PLD2: variants seen among roughly 807,000 people sequenced by gnomAD.
PLD2 encodes the protein choline phosphatase 2.
PLD2 carries 101 observed loss-of-function variants against 119.8 expected under a neutral mutation model. That is an observed-to-expected ratio of 0.84 (90% CI 0.72 to 0.99). The LOEUF (loss-of-function observed/expected upper bound fraction) is 0.99, where lower values mean the gene tolerates loss of function less well. Among genes scored for constraint, PLD2 ranks in the 50% least tolerant of loss-of-function variants. The probability of loss-of-function intolerance (pLI) is 0.00; values close to 1 mark genes in which losing one functional copy is unlikely to be tolerated. For missense variants in PLD2, 1,164 were observed against 1,226.8 expected (o/e 0.95, Z 0.76); for synonymous variants, 494 against 482.8 (o/e 1.02, Z -0.30).
In PLD2 at chr17:4,807,796, C is replaced by A. The variant is rs762231339; in HGVS notation, c.24C>A (p.Leu8=). 10 of 1,610,258 alleles carry A rather than the reference C, an allele frequency of 6.2e-6. No homozygotes were observed. The highest frequency in any genetic ancestry group is 8.5e-6 in the Non-Finnish European group (10 of 1,178,686). The change falls in exon 2 of 25, where the codon CTC becomes CTA. Residue 8 remains leucine, a synonymous_variant. Transcript: ENST00000263088. The surrounding 1 kb of genome is among the most constrained non-coding windows in gnomAD (Gnocchi z 5.4). ...GGATGACGGCGACCCCTGAGAGCCT[C>A]TTCCCCACTGGGGACGAACTGGACT... MTATPES[L]FPTGDELDSS... is the part of the protein sequence containing the mutation.
rs771783389 is a variant in PLD2, at chr17:4,809,385, T to C, written c.555+22T>C. The C allele has an allele frequency of 2.5e-6, 4 of 1,613,818 alleles. No individual in the cohort carries two copies. The South Asian group carries it at 4.4e-5, about 18-fold the overall frequency. ...CATGGTAAGGTCCAGGGGCCGATTT[T>C]AGATGTGGAGCAGGATTATCAGACC... On this transcript the variant is annotated intron_variant, in intron 6 of 24. Transcript: ENST00000263088.
At chr17:4,811,074 ACTT>A (rs1431317094) in intron 10 of PLD2, 123 bp downstream of exon 10, 2 of 902,028 alleles carry the variant, frequency 2.2e-6, no homozygotes, top group South Asian at 1.7e-5. Flanking sequence ...CCGCCCCGTG[ACTT>A]CTTTAATCTT....
At position 4,807,991 on chromosome 17, in the gene PLD2, G is replaced by C; in HGVS notation, c.117G>C (p.Arg39=). Residue 39 remains arginine, a synonymous_variant, in exon 3 of 25, where the codon CGG becomes CGC. Transcript: ENST00000263088. The surrounding 1 kb of genome is among the most constrained non-coding windows in gnomAD (Gnocchi z 5.4). ...TLKEGEDPAD[R]MHPFLAIYEL... is the part of the protein sequence containing the mutation. ...GACTTTCTTTCCTCCCAGCCGACCGGATGCACCCGTTTCTGGCCATCTATG... is the reference window on the plus strand; with the variant it reads ...GACTTTCTTTCCTCCCAGCCGACCGCATGCACCCGTTTCTGGCCATCTATG... 6.2e-7 allele frequency: 1 copy of C among 1,608,646 alleles called. No individual in the cohort carries two copies. Among genetic ancestry groups the C allele is most frequent in the Non-Finnish European group, 8.5e-7 (1 of 1,175,526 alleles).
rs755547771 is a variant in PLD2 at position 4,808,239 on chromosome 17, G to A, written c.241-35G>A. The A allele has an allele frequency of 6.2e-6, 10 of 1,610,210 alleles. No individual in the cohort carries two copies. Among genetic ancestry groups the A allele is most frequent in the Admixed American group, 1.7e-5 (1 of 59,842 alleles). On this transcript the variant is annotated intron_variant, in intron 3 of 24. Transcript: ENST00000263088. This position sits in a 1 kb window ranked among gnomAD's most constrained non-coding sequence, Gnocchi z 4.1. ...CCAGAGTGGGGAGGCGGGGACCCAC[G>A]CAGGGGACATCCATTCAGTTCCTCA...
intron 14 of PLD2, 131 bp downstream of exon 14, chr17:4,816,065 G>A (rs1597330417): frequency 1.4e-6 from 1 of 720,500 alleles, no homozygotes; most frequent in Non-Finnish European, 2.4e-6. Flanking sequence ...AGACTTTCTG[G>A]GACTCCAAGA....
In PLD2 at chr17:4,809,710, C is replaced by T. The variant is rs375978258; in HGVS notation, c.634C>T (p.Arg212Cys). ...RKGLEGMIRK[R>C]SGGHRVPGLT... is the part of the protein sequence containing the mutation. ...CCACAGGGAGGGGATGATCCGGAAG[C>T]GCTCAGGTGGCCACCGTGTTCCTGG... is the stretch of plus-strand genomic sequence containing the variant. The change falls in exon 8 of 25, where the codon CGC (arginine) becomes TGC (cysteine). Residue 212 changes from arginine (R) to cysteine (C), a missense_variant. Physicochemically the swap from Arg to Cys is radical, Grantham distance 180. Transcript: ENST00000263088. 28 of 1,614,050 alleles carry T rather than the reference C, an allele frequency of 1.7e-5. No individual in the cohort carries two copies. Among genetic ancestry groups the T allele is most frequent in the African/African-American group, 4.0e-5 (3 of 74,934 alleles).
At chr17:4,821,939 C>T (rs1449330140) in intron 24 of PLD2, 32 bp downstream of exon 24, 1 of 1,437,968 alleles carries the variant, frequency 7.0e-7, no homozygotes, top group African/African-American at 1.4e-5. Context: ...GGGAGAGTGG[C>T]CTGGGGAAAT....
At chr17:4,821,455 G>A (rs922730251) in intron 23 of PLD2, among the ~76,000 whole-genome samples, 14 of 151,802 alleles carry the variant, frequency 9.2e-5, no homozygotes, top group Admixed American at 3.3e-4. Context: ...GTTCAGTGGC[G>A]TTACCACGGC....
chr17:4,818,311 T>C lies in PLD2; in HGVS notation c.1935T>C (p.Ile645=). 2 of 1,613,890 alleles carry C rather than the reference T, an allele frequency of 1.2e-6. No individual in the cohort carries two copies. Among genetic ancestry groups the C allele is most frequent in the South Asian group, 2.2e-5 (2 of 91,060 alleles). Residue 645 remains isoleucine, a synonymous_variant, in exon 19 of 25, where the codon ATT becomes ATC. Coordinates refer to ENST00000263088, the MANE Select transcript of PLD2 (RefSeq NM_002663.5). ...TCTTGCCCCAGAATCAGTTCTTCATTAGCTGCTCAGATGGGCGGACGGTTC... is the reference window on the plus strand; with the variant it reads ...TCTTGCCCCAGAATCAGTTCTTCATCAGCTGCTCAGATGGGCGGACGGTTC... ...HFLYIENQFF[I]SCSDGRTVLN... is the part of the protein sequence containing the mutation.
At position 4,807,547 on chromosome 17, in the gene PLD2, G is replaced by C. The variant is rs899174441; in HGVS notation, c.-1-225G>C. The C allele has an allele frequency of 1.4e-5, 6 of 426,664 alleles. No homozygotes were observed. In the South Asian group the frequency reaches 2.2e-4, roughly 15 times the overall value. 26.4% of individuals were successfully genotyped at this position (426,664 alleles called of 1,614,324 possible). On this transcript the variant is annotated intron_variant, in intron 1 of 24. Transcript: ENST00000263088. The surrounding 1 kb of genome is among the most constrained non-coding windows in gnomAD (Gnocchi z 5.4). ...GGGCTCTGGTTACGGGACGGGGCGG[G>C]GGGCGGGGGGCGGGACTGGGATTGT...
intron 10 of PLD2, 91 bp from the exon 11 acceptor site, chr17:4,814,327 A>G: frequency 6.6e-7 from 1 of 1,524,114 alleles, no homozygotes; most frequent in African/African-American, 1.4e-5. Context: ...CCTTGCTGTC[A>G]CCTCTGACCC....
rs1200218164 is a variant in PLD2 at position 4,822,893 on chromosome 17, A to G, written c.*29A>G. The G allele has an allele frequency of 7.7e-7, 1 of 1,292,780 alleles. No individual in the cohort carries two copies. The highest frequency in any genetic ancestry group is 1.1e-6 in the Non-Finnish European group (1 of 898,296). The allele number at this position is 1,292,780 out of a possible 1,614,324, so 80.1% of individuals were successfully genotyped here. A position where few individuals can be genotyped will look rare whatever the true frequency, so the allele number is the denominator to read the frequency against. On this transcript the variant is annotated 3_prime_UTR_variant, in exon 25 of 25. Coordinates refer to ENST00000263088, the MANE Select transcript of PLD2 (RefSeq NM_002663.5). Reference sequence around the variant, plus strand: ...AGGCCCCCGTCAGGGAGAGGTCACCAGCTGCTGTGCCCCACCACGTCTGGC... The same window carrying G: ...AGGCCCCCGTCAGGGAGAGGTCACCGGCTGCTGTGCCCCACCACGTCTGGC...
At chr17:4,822,019 G>A (rs981511430) in intron 24 of PLD2, 112 bp downstream of exon 24, 1 of 692,878 alleles carries the variant, frequency 1.4e-6, no homozygotes, top group African/African-American at 1.8e-5. Flanking sequence ...GAAGGGGGAT[G>A]AGGGCCTGGG....
chr17:4,818,144 G>T (rs1186075568), intron 18 of PLD2, 38 bp downstream of exon 18: 1 of 1,507,952 alleles, frequency 6.6e-7, no homozygotes, highest in African/African-American at 1.4e-5. Flanking sequence ...CATGGAAGGG[G>T]TGTCCCAGGA....
Position 4,808,521 on chromosome 17 carries a change from A to G in PLD2, c.383+105A>G. The stretch of plus-strand genomic sequence containing the variant: ...ACCTTTCCTCCCTGCAACTCTGGCC[A>G]CTGTGCTGCCTCCCCTGACCCCAGT... On this transcript the variant is annotated intron_variant, in intron 4 of 24. Transcript: ENST00000263088. This position sits in a 1 kb window ranked among gnomAD's most constrained non-coding sequence, Gnocchi z 4.1. 1 of 1,118,698 alleles carries G rather than the reference A, an allele frequency of 8.9e-7. No homozygotes were observed. The allele number at this position is 1,118,698 out of a possible 1,614,324, so 69.3% of individuals were successfully genotyped here.
intron 23 of PLD2, among the ~76,000 whole-genome samples, chr17:4,821,191 C>G (rs1016678046): frequency 1.5e-5 from 2 of 137,658 alleles, no homozygotes; most frequent in East Asian, 5.5e-4. Flanking sequence ...CATGAGCCAC[C>G]GTGCCCGGCC....
chr17:4,813,122 G>A (rs1220232583), intron 10 of PLD2, among the ~76,000 whole-genome samples: 1 of 152,126 alleles, frequency 6.6e-6, no homozygotes, highest in African/African-American at 2.4e-5. Flanking sequence ...CGATTCTCCT[G>A]CCTCGGCCTC....
At chr17:4,822,358 G>C (rs1256736653) in intron 24 of PLD2, among the ~76,000 whole-genome samples, 2 of 151,880 alleles carry the variant, frequency 1.3e-5, no homozygotes, top group African/African-American at 4.8e-5. Flanking sequence ...CGGGCATGGT[G>C]GTGGGCACCT....
At chr17:4,811,075 C>G in intron 10 of PLD2, 124 bp downstream of exon 10, 1 of 860,936 alleles carries the variant, frequency 1.2e-6, no homozygotes, top group South Asian at 1.8e-5. Flanking sequence ...CGCCCCGTGA[C>G]TTCTTTAATC....
Sources: allele counts gnomAD v4.1 joint callset (sites outside exome capture counted in the v4.1 genomes callset), GRCh38; gene constraint gnomAD v4.1.1; non-coding constraint Gnocchi (gnomAD v3.1); transcripts MANE v1.5; gene names NCBI Gene and HGNC (gene_info 2026-07-23, HGNC 2026-07-21).